NEGR1: variants seen among roughly 807,000 people sequenced by gnomAD.
NEGR1 encodes neuronal growth regulator 1, also known as IgLON family member 4.
Under a neutral mutation model 40.9 loss-of-function variants are expected in NEGR1, and 10 were observed. The ratio of observed to expected loss-of-function variants is 0.24; its 90% CI spans 0.15 to 0.42. NEGR1 has a LOEUF of 0.42. Ranked by LOEUF, NEGR1 falls within the 10% of genes least tolerant of loss-of-function variation. NEGR1 has a pLI of 1.00. For synonymous variants in NEGR1, 185 were observed against 166.8 expected (o/e 1.11, Z -0.84); for missense variants, 352 against 438.9 (o/e 0.80, Z 1.77).
At chr1:71,953,907 T>A (rs1646094794) in intron 1 of NEGR1, among the ~76,000 whole-genome samples, 1 of 151,676 alleles carries the variant, frequency 6.6e-6, no homozygotes, top group Admixed American at 6.6e-5. Context: ...ATTGGTAAAT[T>A]AAAAAAAATA....
In NEGR1 at chr1:72,188,239, C is replaced by T. The variant is rs535071096; in HGVS notation, c.176+94080G>A. On this transcript the variant is annotated intron_variant, in intron 1 of 6. Coordinates refer to ENST00000357731, the MANE Select transcript of NEGR1 (RefSeq NM_173808.3). ...TTTGAAAGATGAACCTTTCAAAAGGCTCAGTTTTATCAGTAAATTATAAAC... is the reference window on the plus strand; with the variant it reads ...TTTGAAAGATGAACCTTTCAAAAGGTTCAGTTTTATCAGTAAATTATAAAC... 1.5e-4 allele frequency among the ~76,000 whole-genome samples: 23 copies of T among 151,446 alleles called. No homozygotes were observed. The South Asian group carries it at 3.9e-3, about 26-fold the overall frequency.
intron 2 of NEGR1, among the ~76,000 whole-genome samples, chr1:71,844,187 T>C (rs964632301): frequency 2.6e-5 from 4 of 152,144 alleles, no homozygotes; most frequent in Non-Finnish European, 5.9e-5. Context: ...GGTATACCAT[T>C]AATCAAACTA....
chr1:72,048,325 T>C (rs1647022108), intron 1 of NEGR1, among the ~76,000 whole-genome samples: 1 of 151,696 alleles, frequency 6.6e-6, no homozygotes, highest in Non-Finnish European at 1.5e-5. Flanking sequence ...ACAACTCCTT[T>C]TTAATTTTTG....
intron 2 of NEGR1, among the ~76,000 whole-genome samples, chr1:71,838,472 C>T (rs988729510): frequency 6.6e-6 from 1 of 152,078 alleles, no homozygotes. Flanking sequence ...AAGCAAAGAA[C>T]TCCTAGCTTT....
chr1:71,526,638 T>C (rs1403664569), intron 6 of NEGR1, among the ~76,000 whole-genome samples: 6 of 151,510 alleles, frequency 4.0e-5, no homozygotes, highest in Non-Finnish European at 7.4e-5. Context: ...CAATAATTCT[T>C]GAATTAGTTC....
At chr1:71,847,174 G>A (rs1161301105) in intron 2 of NEGR1, among the ~76,000 whole-genome samples, 1 of 152,106 alleles carries the variant, frequency 6.6e-6, no homozygotes, top group African/African-American at 2.4e-5. Flanking sequence ...TTACACTGGG[G>A]AATAAGGCCT....
In NEGR1 at chr1:72,088,911, G is replaced by A. The variant is rs76500857; in HGVS notation, c.177-153600C>T. Among the ~76,000 whole-genome samples the A allele has an allele frequency of 1.4e-4, 20 of 145,844 alleles. No individual in the cohort carries two copies. In the South Asian group the frequency reaches 4.5e-3, roughly 33 times the overall value. On this transcript the variant is annotated intron_variant, in intron 1 of 6. Coordinates refer to ENST00000357731, the MANE Select transcript of NEGR1 (RefSeq NM_173808.3). Reference sequence around the variant, plus strand: ...CTGCAACCTCCGCATCCGGGTTCAAGTGATTGTCCCTTCTCAGTGTCCCAA... The same window carrying A: ...CTGCAACCTCCGCATCCGGGTTCAAATGATTGTCCCTTCTCAGTGTCCCAA...
intron 3 of NEGR1, among the ~76,000 whole-genome samples, chr1:71,704,188 C>T (rs1653809351): frequency 6.6e-6 from 1 of 151,484 alleles, no homozygotes; most frequent in Admixed American, 6.6e-5. Context: ...CACACACACA[C>T]ACACACACAC....
intron 2 of NEGR1, among the ~76,000 whole-genome samples, chr1:71,789,292 G>A (rs1372418333): frequency 6.6e-6 from 1 of 152,110 alleles, no homozygotes; most frequent in Non-Finnish European, 1.5e-5. Context: ...CCAGATGAAT[G>A]CAAGAACTAT....
At chr1:71,488,976 C>A (rs1191061255) in intron 6 of NEGR1, among the ~76,000 whole-genome samples, 3 of 151,864 alleles carry the variant, frequency 2.0e-5, no homozygotes, top group Middle Eastern at 3.4e-3. Context: ...AGTTATTTGA[C>A]CTTTTAAGTC....
At chr1:72,140,914 G>A (rs977199236) in intron 1 of NEGR1, among the ~76,000 whole-genome samples, 3 of 151,948 alleles carry the variant, frequency 2.0e-5, no homozygotes, top group African/African-American at 7.2e-5. Context: ...GGGAGTTAAA[G>A]TTACTCATTT....
chr1:72,023,663 T>TACTG (rs1325883621), intron 1 of NEGR1, among the ~76,000 whole-genome samples: 10 of 125,966 alleles, frequency 7.9e-5, no homozygotes, highest in African/African-American at 3.0e-4. Flanking sequence ...AAAAAAAACT[T>TACTG]AACAAATAAC....
chr1:71,669,040 T>A (rs2101597677), intron 4 of NEGR1, among the ~76,000 whole-genome samples: 1 of 152,316 alleles, frequency 6.6e-6, no homozygotes, highest in South Asian at 2.1e-4. Flanking sequence ...TTATATCAAT[T>A]TATGCTTTAT....
chr1:72,101,879 C>T (rs549146724), intron 1 of NEGR1, among the ~76,000 whole-genome samples: 1 of 152,196 alleles, frequency 6.6e-6, no homozygotes, highest in East Asian at 1.9e-4. Context: ...GGTTTTCATT[C>T]TGTTTTTATA....
At chr1:71,678,195 G>A (rs1438671908) in intron 4 of NEGR1, among the ~76,000 whole-genome samples, 1 of 152,088 alleles carries the variant, frequency 6.6e-6, no homozygotes, top group Non-Finnish European at 1.5e-5. Context: ...GGAAAGATAG[G>A]AAGCTCATTG....
intron 4 of NEGR1, among the ~76,000 whole-genome samples, chr1:71,667,025 A>G (rs1652266667): frequency 6.6e-6 from 1 of 152,200 alleles, no homozygotes; most frequent in South Asian, 2.1e-4. Flanking sequence ...ACATTTCTAC[A>G]GGAAAAAAAT....
intron 2 of NEGR1, among the ~76,000 whole-genome samples, chr1:71,914,114 GA>G (rs1234315009): frequency 6.6e-6 from 1 of 152,190 alleles, no homozygotes; most frequent in Non-Finnish European, 1.5e-5. Flanking sequence ...ATATGATTCT[GA>G]GACGCCAATC....
chr1:71,767,952 G>C (rs1656188878), intron 3 of NEGR1, among the ~76,000 whole-genome samples: 1 of 152,234 alleles, frequency 6.6e-6, no homozygotes, highest in South Asian at 2.1e-4. Flanking sequence ...GTGGTGTTAA[G>C]CCTGTGGGTG....
chr1:71,925,519 CTTG>C (rs1455205788), intron 2 of NEGR1, among the ~76,000 whole-genome samples: 2 of 152,120 alleles, frequency 1.3e-5, no homozygotes, highest in Non-Finnish European at 2.9e-5. Context: ...TGTCCATTTT[CTTG>C]TTGGTGCTAC....
Sources: allele counts gnomAD v4.1 joint callset (sites outside exome capture counted in the v4.1 genomes callset), GRCh38; gene constraint gnomAD v4.1.1; transcripts MANE v1.5; gene names NCBI Gene and HGNC (gene_info 2026-07-23, HGNC 2026-07-21).